The following SH3GL2 variants were observed in gnomAD, a reference collection of about 807,000 sequenced individuals.
SH3GL2 encodes the protein endophilin-A1.
A neutral mutation model predicts 46.0 loss-of-function variants in SH3GL2; 24 were observed. The observed-to-expected ratio is 0.52, with a 90% CI of 0.38 to 0.73. SH3GL2 has a LOEUF of 0.73. Among genes scored for constraint, SH3GL2 ranks in the 30% least tolerant of loss-of-function variants. The pLI is 0.00. For missense variants in SH3GL2, 413 were observed against 424.2 expected (o/e 0.97, Z 0.23); for synonymous variants, 196 against 147.1 (o/e 1.33, Z -2.40).
chr9:17,579,109 G>A lies in SH3GL2; in HGVS notation c.-134G>A. 1.9e-6 allele frequency: 1 copy of A among 528,724 alleles called. No homozygotes were observed. Among genetic ancestry groups the A allele is most frequent in the East Asian group, 3.7e-5 (1 of 26,942 alleles). 32.8% of individuals were successfully genotyped at this position (528,724 alleles called of 1,614,324 possible). ...AAGAGCCCGTGTCCCGCTAGGCTCC[G>A]CGCCCTCGCGCCCATAGCCCCGGCG... On this transcript the variant is annotated 5_prime_UTR_variant, in exon 1 of 9. Transcript: ENST00000380607.
At chr9:17,588,281 C>T (rs1201441566) in intron 1 of SH3GL2, among the ~76,000 whole-genome samples, 1 of 152,116 alleles carries the variant, frequency 6.6e-6, no homozygotes, top group African/African-American at 2.4e-5. Flanking sequence ...CAGAATGCTA[C>T]GATTGTTGGT....
rs137877310 is a variant in SH3GL2, at chr9:17,740,465, A to AGTATTGTATTGTATT, written c.46-6585_46-6571dup. On this transcript the variant is annotated intron_variant, in intron 1 of 8. Transcript: ENST00000380607. Reference sequence around the variant, plus strand: ...CCTCTAAGTATTTGATATGTCATCAAGTATTGTATTGTATTGTATTGTATT... The same window carrying AGTATTGTATTGTATT: ...CCTCTAAGTATTTGATATGTCATCAAGTATTGTATTGTATTGTATTGTATTGTATTGTATTGTATT... 3.8e-3 allele frequency among the ~76,000 whole-genome samples: 578 copies of AGTATTGTATTGTATT among 151,284 alleles called. 1 individual carries two copies. The highest frequency in any genetic ancestry group is 9.2e-3 in the African/African-American group (381 of 41,266).
chr9:17,645,460 A>C (rs1370474951), intron 1 of SH3GL2, among the ~76,000 whole-genome samples: 1 of 152,132 alleles, frequency 6.6e-6, no homozygotes, highest in Non-Finnish European at 1.5e-5. Context: ...AAGTTTGTTC[A>C]TAATGTTGAC....
chr9:17,633,280 A>G (rs1359685343), intron 1 of SH3GL2, among the ~76,000 whole-genome samples: 1 of 152,174 alleles, frequency 6.6e-6, no homozygotes, highest in Non-Finnish European at 1.5e-5. Flanking sequence ...GGAGTGGACT[A>G]GAAATCAGTT....
intron 1 of SH3GL2, among the ~76,000 whole-genome samples, chr9:17,741,089 G>A (rs1371617006): frequency 6.6e-6 from 1 of 152,080 alleles, no homozygotes; most frequent in Non-Finnish European, 1.5e-5. Context: ...GCCCCATAAT[G>A]CAGATTAGGC....
At chr9:17,631,797 C>T (rs548944364) in intron 1 of SH3GL2, among the ~76,000 whole-genome samples, 5 of 152,248 alleles carry the variant, frequency 3.3e-5, no homozygotes, top group South Asian at 4.1e-4. Flanking sequence ...CATAGTTGGA[C>T]GAGGCTCACT....
At chr9:17,715,442 A>C (rs1821728071) in intron 1 of SH3GL2, among the ~76,000 whole-genome samples, 1 of 151,412 alleles carries the variant, frequency 6.6e-6, no homozygotes, top group South Asian at 2.1e-4. Flanking sequence ...CATGAACTTC[A>C]CTTACTCTTC....
At position 17,795,571 on chromosome 9, in the gene SH3GL2, G is replaced by A. The variant is rs370370071; in HGVS notation, c.887G>A (p.Arg296Gln). 1.2e-5 allele frequency: 20 copies of A among 1,613,948 alleles called. No homozygotes were observed. Among genetic ancestry groups the A allele is most frequent in the Admixed American group, 6.7e-5 (4 of 60,006 alleles). Residue 296 changes from arginine to glutamine, a missense_variant, in exon 9 of 9, where the codon CGA becomes CAA. Physicochemically the swap from Arg to Gln is conservative, Grantham distance 43. Coordinates refer to ENST00000380607, the MANE Select transcript of SH3GL2 (RefSeq NM_003026.5). ...GTCCAAATGGATCAGCCCTGCTGCC[G>A]AGCTCTGTACGACTTTGAACCTGAA... ...SGVQMDQPCC[R>Q]ALYDFEPENE...
intron 1 of SH3GL2, among the ~76,000 whole-genome samples, chr9:17,629,876 T>C (rs1367828618): frequency 6.6e-6 from 1 of 152,168 alleles, no homozygotes; most frequent in Non-Finnish European, 1.5e-5. Context: ...TCAGCAACTA[T>C]TTTTTTCTGT....
rs538025423 is a variant in SH3GL2, at chr9:17,693,724, T to C, written c.46-53342T>C. ...TTCAAGAACCAAAGTTGCTAAGAAC[T>C]CCAGTTCTCTGCTGGATGAATCAAG... On this transcript the variant is annotated intron_variant, in intron 1 of 8. Coordinates refer to ENST00000380607, the MANE Select transcript of SH3GL2 (RefSeq NM_003026.5). Among the ~76,000 whole-genome samples, 206 of 152,288 alleles carry C rather than the reference T, an allele frequency of 1.4e-3. 1 individual carries two copies. Among genetic ancestry groups the C allele is most frequent in the African/African-American group, 4.6e-3 (193 of 41,564 alleles).
At chr9:17,676,848 C>A (rs1820624771) in intron 1 of SH3GL2, among the ~76,000 whole-genome samples, 1 of 152,108 alleles carries the variant, frequency 6.6e-6, no homozygotes, top group African/African-American at 2.4e-5. Context: ...TCTCTAGTTT[C>A]TTTTTGTCCT....
intron 2 of SH3GL2, among the ~76,000 whole-genome samples, chr9:17,748,711 C>T (rs768295770): frequency 3.9e-5 from 6 of 151,978 alleles, no homozygotes; most frequent in Non-Finnish European, 5.9e-5. Context: ...GCATGAAGTT[C>T]GTAGTCTAGT....
intron 1 of SH3GL2, among the ~76,000 whole-genome samples, chr9:17,725,702 A>G (rs759495635): frequency 6.6e-6 from 1 of 152,098 alleles, no homozygotes; most frequent in Non-Finnish European, 1.5e-5. Flanking sequence ...GGGCCCCAGT[A>G]TTCTCAGACT....
chr9:17,715,332 C>T (rs1371914633), intron 1 of SH3GL2, among the ~76,000 whole-genome samples: 2 of 151,332 alleles, frequency 1.3e-5, no homozygotes, highest in Admixed American at 6.6e-5. Context: ...ATTCATTGAG[C>T]TTCTTGGATT....
intron 1 of SH3GL2, among the ~76,000 whole-genome samples, chr9:17,644,397 G>A (rs1346625147): frequency 2.0e-5 from 3 of 152,006 alleles, no homozygotes; most frequent in Non-Finnish European, 4.4e-5. Flanking sequence ...TCTTGCTTCT[G>A]TAGTTCTTCT....
intron 1 of SH3GL2, among the ~76,000 whole-genome samples, chr9:17,645,920 T>A (rs28837459): frequency 6.6e-6 from 1 of 152,070 alleles, no homozygotes; most frequent in Admixed American, 6.6e-5. Context: ...TGTTGGCCTG[T>A]CTTGCTAGGT....
At chr9:17,649,436 A>C (rs1819901479) in intron 1 of SH3GL2, among the ~76,000 whole-genome samples, 1 of 152,208 alleles carries the variant, frequency 6.6e-6, no homozygotes, top group African/African-American at 2.4e-5. Context: ...TTAGCTTACA[A>C]ATACTACATT....
chr9:17,687,819 G>T (rs1471108787), intron 1 of SH3GL2, among the ~76,000 whole-genome samples: 1 of 151,916 alleles, frequency 6.6e-6, no homozygotes, highest in African/African-American at 2.4e-5. Context: ...ATGGGGAAAG[G>T]GTCTCAAAGA....
At chr9:17,792,523 C>G (rs575108488) in intron 7 of SH3GL2, among the ~76,000 whole-genome samples, 7 of 152,144 alleles carry the variant, frequency 4.6e-5, no homozygotes, top group African/African-American at 4.8e-5. Context: ...ATGTAGAAGA[C>G]AATTATTAGC....
Sources: allele counts gnomAD v4.1 joint callset (sites outside exome capture counted in the v4.1 genomes callset), GRCh38; gene constraint gnomAD v4.1.1; transcripts MANE v1.5; gene names NCBI Gene and HGNC (gene_info 2026-07-23, HGNC 2026-07-21).